Variants in ARHGEF2 observed in about 807,000 individuals in gnomAD.
ARHGEF2 encodes the protein Rho/Rac guanine nucleotide exchange factor 2, also known as rho guanine nucleotide exchange factor 2.
A neutral mutation model predicts 121.0 loss-of-function variants in ARHGEF2; 22 were observed. The observed-to-expected ratio is 0.18, with a 90% confidence interval of 0.13 to 0.26. ARHGEF2 has a LOEUF of 0.26. Ranked by LOEUF, ARHGEF2 falls within the 10% of genes least tolerant of loss-of-function variation. The pLI is 1.00. For synonymous variants in ARHGEF2, 487 were observed against 530.0 expected, an observed-to-expected ratio of 0.92 and a Z score of 1.11; for missense variants, 907 against 1,336.0, an observed-to-expected ratio of 0.68 and a Z score of 5.01.
intron 1 of ARHGEF2, among the ~76,000 whole-genome samples, chr1:155,973,276 C>T (rs1680778040): frequency 6.6e-6 from 1 of 152,120 alleles, no homozygotes; most frequent in African/African-American, 2.4e-5. Flanking sequence ...CTTATCAGAG[C>T]TTTAGAACCT....
intron 2 of ARHGEF2, among the ~76,000 whole-genome samples, chr1:155,967,751 G>A (rs927462249): frequency 1.3e-5 from 2 of 152,094 alleles, no homozygotes; most frequent in South Asian, 2.1e-4. Flanking sequence ...AGGAGGATTC[G>A]CTGAGCCTAG....
At chr1:155,972,062 C>T (rs915068505) in intron 1 of ARHGEF2, among the ~76,000 whole-genome samples, 5 of 152,102 alleles carry the variant, frequency 3.3e-5, no homozygotes, top group Non-Finnish European at 5.9e-5. Context: ...CTGTCCTTTG[C>T]CCTCCACCCT....
At chr1:155,948,892 C>T (rs1674827472) in intron 21 of ARHGEF2, among the ~76,000 whole-genome samples, 1 of 152,104 alleles carries the variant, frequency 6.6e-6, no homozygotes, top group Non-Finnish European at 1.5e-5. Context: ...GATCCTCTCA[C>T]CTCACTCTCA....
chr1:155,969,155 C>T lies in ARHGEF2; in HGVS notation c.208+1G>A. On this transcript the variant is annotated splice_donor_variant, in intron 2 of 21. Transcript: ENST00000361247. LOFTEE classifies it high-confidence loss of function. The stretch of plus-strand genomic sequence containing the variant: ...TGACTCTCAGGGTCCAAACAACTTA[C>T]TTGGGCAGATGAGGGCTTCCTTGGC... 1 of 1,614,076 alleles carries T rather than the reference C, an allele frequency of 6.2e-7. No homozygotes were observed. The highest frequency in any genetic ancestry group is 8.5e-7 in the Non-Finnish European group (1 of 1,179,948).
chr1:155,978,249 T>A lies in ARHGEF2; in HGVS notation c.63+116A>T. 8.6e-7 allele frequency: 1 copy of A among 1,157,226 alleles called. No individual in the cohort carries two copies. The highest frequency in any genetic ancestry group is 1.1e-6 in the Non-Finnish European group (1 of 910,134). The allele number at this position is 1,157,226 out of a possible 1,614,324, so 71.7% of individuals were successfully genotyped here. On this transcript the variant is annotated intron_variant, in intron 1 of 21. Coordinates refer to ENST00000361247, the MANE Select transcript of ARHGEF2 (RefSeq NM_001162383.2). This position sits in a 1 kb window ranked among gnomAD's most constrained non-coding sequence, Gnocchi z 4.1. ...GTCCCGCCGCTCGCCGATCCACCGC[T>A]CCGCCCGATTTTGGCGCCCAGAAAG...
chr1:155,976,107 A>G (rs534425220), intron 1 of ARHGEF2, among the ~76,000 whole-genome samples: 17 of 151,914 alleles, frequency 1.1e-4, no homozygotes, highest in African/African-American at 3.6e-4. Flanking sequence ...GAGGCAAGGA[A>G]TGGGGAGGGG....
At position 155,964,218 on chromosome 1, in the gene ARHGEF2, T is replaced by A. The variant is rs866583968; in HGVS notation, c.724+770A>T. On this transcript the variant is annotated intron_variant, in intron 7 of 21. Coordinates refer to ENST00000361247, the MANE Select transcript of ARHGEF2 (RefSeq NM_001162383.2). ...TATATACATATATATATATATATAT[T>A]TTTTTTTTAGAGACAGAGGTCTTGC... 6.4e-3 allele frequency among the ~76,000 whole-genome samples: 782 copies of A among 122,940 alleles called. 8 individuals carry two copies. Among genetic ancestry groups the A allele is most frequent in the South Asian group, 8.6e-3 (33 of 3,846 alleles). The allele number at this position is 122,940 out of a possible 152,430, so 80.7% of individuals were successfully genotyped here. A position where few individuals can be genotyped will look rare whatever the true frequency, so the allele number is the denominator to read the frequency against.
chr1:155,963,872 C>T (rs1003429516), intron 7 of ARHGEF2, among the ~76,000 whole-genome samples: 23 of 150,160 alleles, frequency 1.5e-4, no homozygotes, highest in Non-Finnish European at 2.7e-4. Context: ...CGGCTGGGCA[C>T]GGTGGCTCAC....
Position 155,947,834 on chromosome 1 carries a change from T to C in ARHGEF2, c.*108A>G, listed in dbSNP as rs1337090886. On this transcript the variant is annotated 3_prime_UTR_variant, in exon 22 of 22. Coordinates refer to ENST00000361247, the MANE Select transcript of ARHGEF2 (RefSeq NM_001162383.2). ...GATCCCAAGAGCTGGCAAGGACAAT[T>C]TGCAGTTCTTTCAAATGTTCCCTCA... is the stretch of plus-strand genomic sequence containing the variant. The C allele has an allele frequency of 6.1e-6, 4 of 653,950 alleles. No individual in the cohort carries two copies. The highest frequency in any genetic ancestry group is 5.9e-5 in the Admixed American group (2 of 33,816). 40.5% of individuals were successfully genotyped at this position (653,950 alleles called of 1,614,324 possible).
At position 155,966,466 on chromosome 1, in the gene ARHGEF2, G is replaced by A; in HGVS notation, c.290C>T (p.Ala97Val). Residue 97 changes from alanine (A) to valine (V), a missense_variant, in exon 4 of 22, where the codon GCC becomes GTC. Ala to Val is a moderately conservative substitution (Grantham distance 64, BLOSUM62 0). This residue lies in a region of ARHGEF2 where 475 missense variants were observed against 776.5 expected (regional missense o/e 0.61). Coordinates refer to ENST00000361247, the MANE Select transcript of ARHGEF2 (RefSeq NM_001162383.2). Reference protein sequence around the residue: ...TKVKQKQQKAALLKNNTALQS... With the variant: ...TKVKQKQQKAVLLKNNTALQS... Reference sequence around the variant, plus strand: ...CAAGGCGGTGTTGTTCTTCAGCAGGGCCGCTTTCTGTTGCTGTGAGACAGA... The same window carrying A: ...CAAGGCGGTGTTGTTCTTCAGCAGGACCGCTTTCTGTTGCTGTGAGACAGA... 2 of 1,614,148 alleles carry A rather than the reference G, an allele frequency of 1.2e-6. No homozygotes were observed. The highest frequency in any genetic ancestry group is 1.7e-6 in the Non-Finnish European group (2 of 1,179,996).
intron 13 of ARHGEF2, among the ~76,000 whole-genome samples, chr1:155,957,109 T>A (rs1232307396): frequency 1.3e-5 from 2 of 152,062 alleles, no homozygotes; most frequent in Non-Finnish European, 2.9e-5. Context: ...TCTTTAGGCA[T>A]AATCTTCCAG....
In ARHGEF2 at chr1:155,965,364, C is replaced by T. The variant is rs781745840; in HGVS notation, c.519G>A (p.Gln173=). ...TCCGCATGTTGAGGGAGTCTGTGGA[C>T]TGTGAGAGGATCCGGCGCAGCCCCA... is the stretch of plus-strand genomic sequence containing the variant. ...SPLGLRRILS[Q]STDSLNMRNR... is the part of the protein sequence containing the mutation. The change falls in exon 6 of 22, where the codon CAG becomes CAA. Residue 173 remains glutamine (Q), a synonymous_variant. Transcript: ENST00000361247. This position sits in a 1 kb window ranked among gnomAD's most constrained non-coding sequence, Gnocchi z 6.0. 3.3e-5 allele frequency: 53 copies of T among 1,614,060 alleles called. No individual in the cohort carries two copies. The highest frequency in any genetic ancestry group is 3.8e-5 in the Non-Finnish European group (45 of 1,180,038).
Position 155,963,220 on chromosome 1 carries a change from G to C in ARHGEF2, c.725-37C>G, listed in dbSNP as rs199786006. The stretch of plus-strand genomic sequence containing the variant: ...ATTGGGACATTTGGCCTCTACCCTG[G>C]CTTGGCTAAAACTCGTGGGGCCCTA... On this transcript the variant is annotated intron_variant, in intron 7 of 21. Coordinates refer to ENST00000361247, the MANE Select transcript of ARHGEF2 (RefSeq NM_001162383.2). 10 of 1,593,036 alleles carry C rather than the reference G, an allele frequency of 6.3e-6. No individual in the cohort carries two copies. The East Asian group carries it at 1.3e-4, about 21-fold the overall frequency.
chr1:155,953,951 TGA>T (rs1676059653), intron 14 of ARHGEF2, among the ~76,000 whole-genome samples: 2 of 152,032 alleles, frequency 1.3e-5, no homozygotes, highest in African/African-American at 2.4e-5. Context: ...ACTGTTATGT[TGA>T]CAGCAATAAT....
Position 155,972,896 on chromosome 1 carries a change from G to A in ARHGEF2, c.64-3596C>T, listed in dbSNP as rs377044410. Among the ~76,000 whole-genome samples, 16 of 151,880 alleles carry A rather than the reference G, an allele frequency of 1.1e-4. No homozygotes were observed. The South Asian group carries it at 1.3e-3, about 12-fold the overall frequency. On this transcript the variant is annotated intron_variant, in intron 1 of 21. Transcript: ENST00000361247. ...TTTAAATTTTTTTTGTAGAGACAGC[G>A]TCTTGCTATGTTGCCCAGGCTGGTC...
At chr1:155,953,284 T>G (rs1310413301) in intron 14 of ARHGEF2, among the ~76,000 whole-genome samples, 1 of 122,472 alleles carries the variant, frequency 8.2e-6, no homozygotes, top group East Asian at 2.5e-4. Context: ...AAAAAAAAGA[T>G]TTGTGGAAGG....
rs553870758 is a variant in ARHGEF2, at chr1:155,965,463, C to T, written c.471-51G>A. 77 of 1,602,070 alleles carry T rather than the reference C, an allele frequency of 4.8e-5. No individual in the cohort carries two copies. Among genetic ancestry groups the T allele is most frequent in the Non-Finnish European group, 6.6e-5 (77 of 1,169,572 alleles). On this transcript the variant is annotated intron_variant, in intron 5 of 21. Transcript: ENST00000361247. The surrounding 1 kb of genome is among the most constrained non-coding windows in gnomAD (Gnocchi z 6.0). ...TCACCCCCAGTCGGGCAAAAGATCC[C>T]TTCCCAGGTAGGGAACCAAAGCCAG... is the stretch of plus-strand genomic sequence containing the variant.
chr1:155,977,476 G>A (rs1040686801), intron 1 of ARHGEF2, among the ~76,000 whole-genome samples: 1 of 152,140 alleles, frequency 6.6e-6, no homozygotes, highest in African/African-American at 2.4e-5. Context: ...GCTAGGTGAA[G>A]GGACCCCAAG....
chr1:155,949,409 A>C (rs1002552107), intron 21 of ARHGEF2, among the ~76,000 whole-genome samples: 1 of 151,872 alleles, frequency 6.6e-6, no homozygotes, highest in African/African-American at 2.4e-5. Context: ...GTGAAACCCT[A>C]TCTCTTCTAA....
Sources: gnomAD v4.1 joint callset for allele counts (sites outside exome capture counted in the v4.1 genomes callset) on GRCh38, gnomAD v4.1.1 for gene constraint, gnomAD v4.1.1 regional missense constraint, Gnocchi (gnomAD v3.1) non-coding constraint, MANE v1.5 for transcripts, NCBI Gene and HGNC (gene_info 2026-07-23, HGNC 2026-07-21) for gene names.